MTR: variants seen among roughly 807,000 people sequenced by gnomAD.
MTR encodes the protein 5-methyltetrahydrofolate-homocysteine methyltransferase.
A neutral mutation model predicts 154.8 loss-of-function variants in MTR; 84 were observed. That is an observed-to-expected ratio of 0.54 (90% CI 0.45 to 0.65). The LOEUF (loss-of-function observed/expected upper bound fraction) is 0.65. Ranked by LOEUF, MTR falls within the 30% of genes least tolerant of loss-of-function variation. MTR has a pLI of 0.00. For synonymous variants in MTR, 554 were observed against 553.9 expected, an observed-to-expected ratio of 1.00 and a Z score of 0.00; for missense variants, 1,275 against 1,570.2, an observed-to-expected ratio of 0.81 and a Z score of 3.18.
chr1:236,871,884 T>C (rs1665154312), intron 22 of MTR, among the ~76,000 whole-genome samples: 1 of 152,112 alleles, frequency 6.6e-6, no homozygotes, highest in South Asian at 2.1e-4. Context: ...AAGCTAAAAA[T>C]CCAGTGGTAT....
chr1:236,843,170 C>T (rs1663365164), intron 15 of MTR, among the ~76,000 whole-genome samples: 1 of 151,890 alleles, frequency 6.6e-6, no homozygotes, highest in Non-Finnish European at 1.5e-5. Context: ...GATTTGATCC[C>T]CCCTCAGCAT....
intron 13 of MTR, among the ~76,000 whole-genome samples, chr1:236,835,080 C>T (rs559352618): frequency 6.6e-6 from 1 of 152,112 alleles, no homozygotes; most frequent in Admixed American, 6.5e-5. Flanking sequence ...GATGGTTTCT[C>T]TAAGGACTTT....
At chr1:236,859,219 T>G (rs1664382832) in intron 18 of MTR, among the ~76,000 whole-genome samples, 1 of 152,226 alleles carries the variant, frequency 6.6e-6, no homozygotes, top group Admixed American at 6.5e-5. Flanking sequence ...GCATCTCATG[T>G]CAAGAGGGCA....
At position 236,795,303 on chromosome 1, in the gene MTR, C is replaced by G; in HGVS notation, c.-401C>G. 8.2e-7 allele frequency: 1 copy of G among 1,222,116 alleles called. No homozygotes were observed. Among genetic ancestry groups the G allele is most frequent in the South Asian group, 1.5e-5 (1 of 68,390 alleles). 75.7% of individuals were successfully genotyped at this position (1,222,116 alleles called of 1,614,324 possible). On this transcript the variant is annotated 5_prime_UTR_variant, in exon 1 of 33. Transcript: ENST00000366577. ...GATAGATTGAGCGCAGAACTAACCG[C>G]GCTCTGAAAGGTTCTAAATGTCTGC...
chr1:236,870,192 T>C (rs1665048684), intron 22 of MTR, among the ~76,000 whole-genome samples: 1 of 152,214 alleles, frequency 6.6e-6, no homozygotes, highest in African/African-American at 2.4e-5. Flanking sequence ...AATTGCCCTC[T>C]AATCAATAGT....
At chr1:236,812,882 A>G (rs755001344) in intron 6 of MTR, 38 bp downstream of exon 6, 10 of 1,539,628 alleles carry the variant, frequency 6.5e-6, no homozygotes, top group Non-Finnish European at 9.0e-7. Context: ...GGCTGGGGTA[A>G]GGGCTGTGGG....
chr1:236,845,107 C>G (rs1663492864), intron 15 of MTR, among the ~76,000 whole-genome samples: 2 of 152,178 alleles, frequency 1.3e-5, no homozygotes, highest in Admixed American at 1.3e-4. Context: ...GGACCAGTGT[C>G]ATATCTAGGA....
chr1:236,850,874 ATAAT>A (rs930109271), intron 16 of MTR, among the ~76,000 whole-genome samples: 3 of 152,160 alleles, frequency 2.0e-5, no homozygotes, highest in African/African-American at 4.8e-5. Context: ...AACCTGATAA[ATAAT>A]TAATTATGAA....
chr1:236,806,028 C>G, intron 2 of MTR, 116 bp from the exon 3 acceptor site: 3 of 857,986 alleles, frequency 3.5e-6, no homozygotes, highest in Non-Finnish European at 5.8e-6. Flanking sequence ...GTGCCTTACT[C>G]TTAGTAAATG....
At chr1:236,866,465 AACAAT>A (rs1375443657) in intron 22 of MTR, among the ~76,000 whole-genome samples, 1 of 150,632 alleles carries the variant, frequency 6.6e-6, no homozygotes, top group Non-Finnish European at 1.5e-5. Flanking sequence ...CCTGAGACAC[AACAAT>A]ATTGAAATTA....
In MTR at chr1:236,874,862, G is replaced by A. The variant is rs1665344035; in HGVS notation, c.2594+16G>A. 3.7e-6 allele frequency: 6 copies of A among 1,612,984 alleles called. No individual in the cohort carries two copies. The highest frequency in any genetic ancestry group is 5.1e-6 in the Non-Finnish European group (6 of 1,179,262). On this transcript the variant is annotated intron_variant, in intron 24 of 32. Transcript: ENST00000366577. ...CCACTTCAAAGTAAGTTATACTAAT[G>A]AGCTTTGTCCTCACTTCAAATTTTC...
Position 236,825,378 on chromosome 1 carries a change from T to C in MTR, c.906T>C (p.Ser302=), listed in dbSNP as rs1338785709. The C allele has an allele frequency of 6.2e-7, 1 of 1,613,834 alleles. No homozygotes were observed. ...NTFGDYDETP[S]MMAKHLKDFA... ...TTGGTGACTATGATGAAACGCCTTC[T>C]ATGATGGCCAAGCACCTAAAGGTCA... The change falls in exon 10 of 33, where the codon TCT becomes TCC. Residue 302 remains serine, a synonymous_variant. Coordinates refer to ENST00000366577, the MANE Select transcript of MTR (RefSeq NM_000254.3).
chr1:236,809,026 T>C (rs1661150412), intron 4 of MTR, among the ~76,000 whole-genome samples: 1 of 152,212 alleles, frequency 6.6e-6, no homozygotes. Context: ...AGCCTGACTT[T>C]GTAGCTAGGC....
Position 236,880,836 on chromosome 1 carries a change from G to A in MTR, c.2676G>A (p.Val892=). The change falls in exon 25 of 33, where the codon GTG becomes GTA. Residue 892 remains valine, a splice_region_variant and synonymous_variant. Transcript: ENST00000366577. ...HVLDASKSVV[V]CSQLLDENLK... Reference sequence around the variant, plus strand: ...TGGACGCGTCCAAGAGTGTGGTGGTGGTAAGTGGGTGACCTTACATTTTAT... The same window carrying A: ...TGGACGCGTCCAAGAGTGTGGTGGTAGTAAGTGGGTGACCTTACATTTTAT... The A allele has an allele frequency of 6.2e-7, 1 of 1,613,478 alleles. No individual in the cohort carries two copies.
rs114651713 is a variant in MTR, at chr1:236,887,402, G to T, written c.2851+1035G>T. On this transcript the variant is annotated intron_variant, in intron 27 of 32. Transcript: ENST00000366577. Reference sequence around the variant, plus strand: ...TTCCACGTTTGACAGTTTTTACCACGTAAAAAAAGGAGTTACTTTTTGGAA... The same window carrying T: ...TTCCACGTTTGACAGTTTTTACCACTTAAAAAAAGGAGTTACTTTTTGGAA... Among the ~76,000 whole-genome samples the T allele has an allele frequency of 4.2e-3, 632 of 152,178 alleles. 4 individuals carry two copies. Among genetic ancestry groups the T allele is most frequent in the African/African-American group, 0.015 (612 of 41,524 alleles).
At chr1:236,797,942 A>T (rs185213764) in intron 1 of MTR, among the ~76,000 whole-genome samples, 2 of 132,718 alleles carry the variant, frequency 1.5e-5, no homozygotes, top group South Asian at 5.1e-4. Context: ...TGGGTGAGAG[A>T]GTGAGACTTA....
At chr1:236,801,734 A>G (rs1010730192) in intron 1 of MTR, among the ~76,000 whole-genome samples, 2 of 152,224 alleles carry the variant, frequency 1.3e-5, no homozygotes, top group African/African-American at 4.8e-5. Context: ...CTCTTAGCAC[A>G]GAAGGAATGG....
chr1:236,795,827 C>T, intron 1 of MTR, 90 bp downstream of exon 1: 1 of 1,592,432 alleles, frequency 6.3e-7, no homozygotes, highest in Non-Finnish European at 8.6e-7. Flanking sequence ...CCTTCTGCGG[C>T]GGGAGACGCC....
intron 21 of MTR, 121 bp from the exon 22 acceptor site, chr1:236,863,332 TC>T: frequency 1.2e-6 from 1 of 810,968 alleles, no homozygotes; most frequent in Non-Finnish European, 2.1e-6. Flanking sequence ...TCCAGGTCTG[TC>T]TTTGAGGTGC....
Sources: allele counts gnomAD v4.1 joint callset (sites outside exome capture counted in the v4.1 genomes callset), GRCh38; gene constraint gnomAD v4.1.1; transcripts MANE v1.5; gene names NCBI Gene and HGNC (gene_info 2026-07-23, HGNC 2026-07-21).